MAP4K5: variants seen among roughly 807,000 people sequenced by gnomAD.
The protein encoded by MAP4K5 is mitogen-activated protein kinase kinase kinase kinase 5, also known as MAPK/ERK kinase kinase kinase 5.
A neutral mutation model predicts 135.6 loss-of-function variants in MAP4K5; 82 were observed. The ratio of observed to expected loss-of-function variants is 0.60; its 90% CI spans 0.51 to 0.73. The LOEUF (loss-of-function observed/expected upper bound fraction) is 0.73, where lower values mean the gene tolerates loss of function less well. MAP4K5 is among the 30% of genes least tolerant of loss of function. The probability of loss-of-function intolerance (pLI) is 0.00; values close to 1 mark genes in which losing one functional copy is unlikely to be tolerated. For missense variants in MAP4K5, 907 were observed against 1,010.9 expected (o/e 0.90, Z 1.39); for synonymous variants, 347 against 335.0 (o/e 1.04, Z -0.39).
intron 1 of MAP4K5, among the ~76,000 whole-genome samples, chr14:50,544,924 G>A (rs922112889): frequency 4.9e-5 from 6 of 122,826 alleles, no homozygotes; most frequent in Non-Finnish European, 8.1e-5. Flanking sequence ...GTGACAGAGT[G>A]AGACCCACTC....
At chr14:50,437,763 A>G (rs2036129891) in intron 25 of MAP4K5, 131 bp downstream of exon 25, 2 of 691,568 alleles carry the variant, frequency 2.9e-6, no homozygotes, top group Non-Finnish European at 4.9e-6. Flanking sequence ...GCTTTTCCAG[A>G]TATAATACAC....
chr14:50,484,364 TA>T (rs151003573), intron 5 of MAP4K5, among the ~76,000 whole-genome samples: 1 of 152,340 alleles, frequency 6.6e-6, no homozygotes, highest in East Asian at 1.9e-4. Flanking sequence ...TATGACATTT[TA>T]AAATTGATAA....
chr14:50,481,628 A>G (rs1008196643), intron 6 of MAP4K5, among the ~76,000 whole-genome samples: 4 of 152,278 alleles, frequency 2.6e-5, no homozygotes, highest in African/African-American at 9.6e-5. Context: ...TTATATGAAC[A>G]AAATTGTTAA....
chr14:50,428,852 C>T, intron 29 of MAP4K5, 98 bp from the exon 30 acceptor site: 1 of 691,920 alleles, frequency 1.4e-6, no homozygotes, highest in Non-Finnish European at 2.5e-6. Context: ...AAATAATATT[C>T]TTAATAAAGT....
At chr14:50,473,971 G>A (rs552156919) in intron 9 of MAP4K5, among the ~76,000 whole-genome samples, 43 of 152,120 alleles carry the variant, frequency 2.8e-4, no homozygotes, top group Non-Finnish European at 5.4e-4. Flanking sequence ...TGATCCGCCC[G>A]CCTCAGCCTC....
At chr14:50,462,612 A>C in intron 13 of MAP4K5, 53 bp downstream of exon 13, 159 of 1,159,866 alleles carry the variant, frequency 1.4e-4, no homozygotes, top group Middle Eastern at 1.9e-4. Flanking sequence ...AGCAAACTTT[A>C]AGGCCTTATA....
rs1172128036 is a variant in MAP4K5 at position 50,462,718 on chromosome 14, TCA to T, written c.881_882del (p.Val294GlufsTer5). 6.2e-7 allele frequency: 1 copy of T among 1,605,104 alleles called. No homozygotes were observed. Among genetic ancestry groups the T allele is most frequent in the South Asian group, 1.1e-5 (1 of 88,930 alleles). On this transcript the variant is annotated frameshift_variant, in exon 13 of 33. Coordinates refer to ENST00000682126, the MANE Select transcript of MAP4K5 (RefSeq NM_006575.6). LOFTEE classifies it high-confidence loss of function. ...TAATGTGCGTGGTTATCTGGATTGT[TCA>T]CTTTGTCTAACAGTTCAACTGCTAG... ...RALAVELLDK[V>X]NNPDNHAHYT...
In MAP4K5 at chr14:50,449,105, T is replaced by C. The variant is rs2036426078; in HGVS notation, c.1016-273A>G. 4 of 338,490 alleles carry C rather than the reference T, an allele frequency of 1.2e-5. No individual in the cohort carries two copies. In the South Asian group the frequency reaches 2.2e-4, roughly 19 times the overall value. 21.0% of individuals were successfully genotyped at this position (338,490 alleles called of 1,614,324 possible). On this transcript the variant is annotated intron_variant, in intron 14 of 32. Transcript: ENST00000682126. Reference sequence around the variant, plus strand: ...TTGTATAAAAGAGATTTTTAAAAATTCATCAAAAATAAATGACTAAGTAAA... The same window carrying C: ...TTGTATAAAAGAGATTTTTAAAAATCCATCAAAAATAAATGACTAAGTAAA...
chr14:50,506,432 C>A (rs2037811230), intron 2 of MAP4K5, among the ~76,000 whole-genome samples: 1 of 152,172 alleles, frequency 6.6e-6, no homozygotes, highest in African/African-American at 2.4e-5. Context: ...GATCTCGGCT[C>A]ACTGCAGCCT....
At chr14:50,550,847 C>T (rs746274676) in intron 1 of MAP4K5, among the ~76,000 whole-genome samples, 8 of 152,130 alleles carry the variant, frequency 5.3e-5, no homozygotes, top group Non-Finnish European at 8.8e-5. Context: ...ATTCTTTGAA[C>T]TGAATGATAG....
At chr14:50,520,827 T>TC (rs1180671656) in intron 2 of MAP4K5, among the ~76,000 whole-genome samples, 1 of 149,980 alleles carries the variant, frequency 6.7e-6, no homozygotes, top group African/African-American at 2.4e-5. Flanking sequence ...CATCTTTTTT[T>TC]TTTTTTTTTT....
chr14:50,510,672 T>C (rs1331146393), intron 2 of MAP4K5, among the ~76,000 whole-genome samples: 2 of 152,210 alleles, frequency 1.3e-5, no homozygotes, highest in African/African-American at 2.4e-5. Flanking sequence ...TTAAAGTATT[T>C]TGAAGAAAAT....
chr14:50,464,016 A>G (rs1274490145), intron 12 of MAP4K5, 36 bp downstream of exon 12: 3 of 1,150,554 alleles, frequency 2.6e-6, no homozygotes, highest in Non-Finnish European at 2.5e-6. Flanking sequence ...CTAATTTATG[A>G]CTATAGGAAG....
intron 3 of MAP4K5, 111 bp downstream of exon 3, chr14:50,504,689 G>A (rs930659034): frequency 2.7e-6 from 2 of 735,352 alleles, no homozygotes; most frequent in African/African-American, 3.8e-5. Flanking sequence ...TTTAATTGAA[G>A]ATATTCTACT....
chr14:50,466,484 G>T, intron 11 of MAP4K5, 99 bp downstream of exon 11: 26 of 485,326 alleles, frequency 5.4e-5, no homozygotes, highest in East Asian at 1.6e-4. Context: ...ACTGCTTAAT[G>T]TCTATGGACT....
rs1216870761 is a variant in MAP4K5, at chr14:50,418,525, A to T, written c.*1494T>A. On this transcript the variant is annotated 3_prime_UTR_variant, in exon 33 of 33. Coordinates refer to ENST00000682126, the MANE Select transcript of MAP4K5 (RefSeq NM_006575.6). ...TAAAGAATAAATAACTTTATATTCCATTTGTATAACATTTTATTGTTTGCG... is the reference window on the plus strand; with the variant it reads ...TAAAGAATAAATAACTTTATATTCCTTTTGTATAACATTTTATTGTTTGCG... 6.5e-6 allele frequency: 1 copy of T among 152,672 alleles called. No individual in the cohort carries two copies. The highest frequency in any genetic ancestry group is 1.9e-4 in the East Asian group (1 of 5,202). The allele number at this position is 152,672 out of a possible 1,614,324, so 9.5% of individuals were successfully genotyped here.
chr14:50,551,415 G>A (rs2038701174), intron 1 of MAP4K5, among the ~76,000 whole-genome samples: 1 of 152,056 alleles, frequency 6.6e-6, no homozygotes, highest in Non-Finnish European at 1.5e-5. Context: ...TTCAGGATCA[G>A]ATGGAGTCAC....
At chr14:50,443,351 A>AT (rs932556751) in intron 20 of MAP4K5, among the ~76,000 whole-genome samples, 1 of 772 alleles carries the variant, frequency 1.3e-3, no homozygotes, top group African/African-American at 1.4e-3. Context: ...ACTGGCCAGG[A>AT]AAATGCATTA....
rs191525698 is a variant in MAP4K5, at chr14:50,437,528, G to A, written c.1830C>T (p.Phe610=). 1.9e-4 allele frequency: 302 copies of A among 1,596,768 alleles called. 1 individual carries two copies. In the East Asian group the frequency reaches 3.9e-3, roughly 21 times the overall value. ...TATCAGGAATCTTTGTTGTTAAAGCGAATTTTCTGAAAACGTAAGACGATA... is the reference window on the plus strand; with the variant it reads ...TATCAGGAATCTTTGTTGTTAAAGCAAATTTTCTGAAAACGTAAGACGATA... ...RFPDRILPRK[F]ALTTKIPDTK... Residue 610 remains phenylalanine, a synonymous_variant, in exon 26 of 33, where the codon TTC becomes TTT. Coordinates refer to ENST00000682126, the MANE Select transcript of MAP4K5 (RefSeq NM_006575.6).
Sources: allele counts gnomAD v4.1 joint callset (sites outside exome capture counted in the v4.1 genomes callset), GRCh38; gene constraint gnomAD v4.1.1; transcripts MANE v1.5; gene names NCBI Gene and HGNC (gene_info 2026-07-23, HGNC 2026-07-21).